Variants in DIAPH1 observed in about 807,000 individuals in gnomAD.
The protein encoded by DIAPH1 is protein diaphanous homolog 1.
In DIAPH1, 46 loss-of-function variants were observed where a neutral mutation model predicts 140.7. That is an observed-to-expected ratio of 0.33 (90% confidence interval 0.26 to 0.42). The LOEUF is 0.42. DIAPH1 is among the 10% of genes least tolerant of loss of function. The probability of loss-of-function intolerance (pLI) is 1.00; values close to 1 mark genes in which losing one functional copy is unlikely to be tolerated. For synonymous variants in DIAPH1, 565 were observed against 551.6 expected (o/e 1.02, Z -0.34); for missense variants, 1,310 against 1,558.7 (o/e 0.84, Z 2.69).
chr5:141,607,419 T>C (rs188998421), intron 1 of DIAPH1, among the ~76,000 whole-genome samples: 2 of 152,326 alleles, frequency 1.3e-5, no homozygotes, highest in Admixed American at 1.3e-4. Context: ...CAAATAAACT[T>C]AACTTTTTAA....
chr5:141,593,217 T>G (rs988127877), intron 1 of DIAPH1, among the ~76,000 whole-genome samples: 1 of 152,112 alleles, frequency 6.6e-6, no homozygotes, highest in Non-Finnish European at 1.5e-5. Flanking sequence ...AAAATAAGAC[T>G]GGTTGGAAGC....
At position 141,576,308 on chromosome 5, in the gene DIAPH1, G is replaced by A. The variant is rs201444168; in HGVS notation, c.1397-14C>T. 180 of 1,604,788 alleles carry A rather than the reference G, an allele frequency of 1.1e-4. No individual in the cohort carries two copies. Among genetic ancestry groups the A allele is most frequent in the Middle Eastern group, 1.7e-4 (1 of 6,054 alleles). On this transcript the variant is annotated splice_polypyrimidine_tract_variant and intron_variant, in intron 13 of 27. Transcript: ENST00000389054. ...CAATCATTTGATCTGAAAAGAAGAA[G>A]AGTCAGTAAGTAAAGCTCCTAATTC... is the stretch of plus-strand genomic sequence containing the variant.
intron 18 of DIAPH1, among the ~76,000 whole-genome samples, chr5:141,539,808 T>C (rs1487856317): frequency 6.6e-6 from 1 of 152,086 alleles, no homozygotes; most frequent in Non-Finnish European, 1.5e-5. Context: ...GATTCAAGTC[T>C]CTCTTTTTCT....
In DIAPH1 at chr5:141,578,510, C is replaced by T. The variant is rs2099896278; in HGVS notation, c.1044+5G>A. The T allele has an allele frequency of 6.2e-7, 1 of 1,611,684 alleles. No homozygotes were observed. Among genetic ancestry groups the T allele is most frequent in the Non-Finnish European group, 8.5e-7 (1 of 1,177,926 alleles). On this transcript the variant is annotated splice_donor_5th_base_variant and intron_variant, in intron 10 of 27. Coordinates refer to ENST00000389054, the MANE Select transcript of DIAPH1 (RefSeq NM_005219.5). ...TAGCCTTTCTAATGAAGTGTAATATCTTACCTGCAACACCTGATGTAGCCC... is the reference window on the plus strand; with the variant it reads ...TAGCCTTTCTAATGAAGTGTAATATTTTACCTGCAACACCTGATGTAGCCC...
chr5:141,591,772 A>G (rs1481401032), intron 1 of DIAPH1, among the ~76,000 whole-genome samples: 2 of 142,364 alleles, frequency 1.4e-5, no homozygotes, highest in African/African-American at 5.4e-5. Context: ...GCATCATCAG[A>G]AACAGATTTT....
chr5:141,586,175 C>T (rs1480076348), intron 3 of DIAPH1, among the ~76,000 whole-genome samples: 3 of 152,144 alleles, frequency 2.0e-5, no homozygotes, highest in Admixed American at 1.3e-4. Context: ...GCCCAAGAGA[C>T]ATTTAAACTT....
Position 141,558,651 on chromosome 5 carries a change from A to C in DIAPH1, c.2482+12777T>G, listed in dbSNP as rs539761987. The stretch of plus-strand genomic sequence containing the variant: ...CTCTGCCCAAGATAAAGCCTGCAGC[A>C]TTTGTACCTATTCTACAGGGAACAC... On this transcript the variant is annotated intron_variant, in intron 18 of 27. Transcript: ENST00000389054. Among the ~76,000 whole-genome samples the C allele has an allele frequency of 2.6e-5, 4 of 152,316 alleles. No individual in the cohort carries two copies. In the South Asian group the frequency reaches 8.3e-4, roughly 32 times the overall value.
At chr5:141,571,799 T>A in intron 17 of DIAPH1, 127 bp downstream of exon 17, 1 of 792,288 alleles carries the variant, frequency 1.3e-6, no homozygotes, top group Non-Finnish European at 2.3e-6. Context: ...AATGGGAAAA[T>A]CCATCAGTCT....
chr5:141,531,177 C>A (rs72790083), intron 19 of DIAPH1, among the ~76,000 whole-genome samples: 1 of 152,192 alleles, frequency 6.6e-6, no homozygotes, highest in Admixed American at 6.5e-5. Flanking sequence ...CCCGAAAAGA[C>A]AATCTGTTCC....
intron 18 of DIAPH1, chr5:141,535,981 C>G (rs1431494687): frequency 4.3e-6 from 2 of 467,564 alleles, no homozygotes; most frequent in Non-Finnish European, 8.9e-6. Flanking sequence ...AAGTTACATA[C>G]AAAAGGTACA....
intron 1 of DIAPH1, among the ~76,000 whole-genome samples, chr5:141,603,554 T>G (rs1167015754): frequency 1.3e-5 from 2 of 152,174 alleles, no homozygotes. Context: ...CAGTGGCCAG[T>G]GTCAAGCACA....
chr5:141,598,705 C>A (rs7704657), intron 1 of DIAPH1, among the ~76,000 whole-genome samples: 20,432 of 151,980 alleles, frequency 0.13, 1,356 homozygotes, highest in South Asian at 0.16. Context: ...ACAACAACAA[C>A]AAAAAAGTCA....
Position 141,528,755 on chromosome 5 carries a change from C to G in DIAPH1, c.2965G>C (p.Ala989Pro), listed in dbSNP as rs2099887763. Residue 989 changes from alanine (A) to proline (P), a missense_variant, in exon 22 of 28, where the codon GCT becomes CCT. Physicochemically the swap from Ala to Pro is conservative, Grantham distance 27 (BLOSUM62 -1). This residue lies in a region of DIAPH1 where 344 missense variants were observed against 512.2 expected (regional missense o/e 0.67). Coordinates refer to ENST00000389054, the MANE Select transcript of DIAPH1 (RefSeq NM_005219.5). The stretch of plus-strand genomic sequence containing the variant: ...AAAGCACCAGCATTTCTGGAGCCAG[C>G]ATTCATGTAATTTCCAACAAGCAAG... ...ITLLVGNYMN[A>P]GSRNAGAFGF... is the part of the protein sequence containing the mutation. 6.2e-7 allele frequency: 1 copy of G among 1,614,096 alleles called. No individual in the cohort carries two copies. The highest frequency in any genetic ancestry group is 8.5e-7 in the Non-Finnish European group (1 of 1,180,046).
At chr5:141,569,850 G>T (rs1466499012) in intron 18 of DIAPH1, among the ~76,000 whole-genome samples, 1 of 152,132 alleles carries the variant, frequency 6.6e-6, no homozygotes, top group Non-Finnish European at 1.5e-5. Flanking sequence ...TTAAAGCACT[G>T]AAGTAAAGTA....
intron 18 of DIAPH1, among the ~76,000 whole-genome samples, chr5:141,555,246 T>C (rs72790102): frequency 0.023 from 3,472 of 152,288 alleles, 55 homozygotes; most frequent in East Asian, 0.047. Flanking sequence ...AATGTAACTA[T>C]GTGTAAATTT....
chr5:141,549,572 A>G (rs985568824), intron 18 of DIAPH1, among the ~76,000 whole-genome samples: 16 of 152,142 alleles, frequency 1.1e-4, no homozygotes, highest in Non-Finnish European at 1.5e-5. Flanking sequence ...ACCCAATAAT[A>G]CTAACATATC....
chr5:141,588,618 G>T (rs1163823311), intron 1 of DIAPH1, among the ~76,000 whole-genome samples: 1 of 151,964 alleles, frequency 6.6e-6, no homozygotes, highest in African/African-American at 2.4e-5. Flanking sequence ...ACACTCCCAA[G>T]ACTGGAAAAA....
chr5:141,574,841 G>T, intron 15 of DIAPH1, 126 bp downstream of exon 15: 1 of 1,003,728 alleles, frequency 1.0e-6, no homozygotes, highest in African/African-American at 1.6e-5. Context: ...TTTAAAATAT[G>T]CACCATGTAA....
intron 26 of DIAPH1, 83 bp from the exon 27 acceptor site, chr5:141,524,312 C>T: frequency 7.6e-7 from 1 of 1,313,484 alleles, no homozygotes; most frequent in South Asian, 1.2e-5. Flanking sequence ...AAATGAATGG[C>T]TATTGCTTGA....
Sources: allele counts gnomAD v4.1 joint callset (sites outside exome capture counted in the v4.1 genomes callset), GRCh38; gene constraint gnomAD v4.1.1; regional missense constraint gnomAD v4.1.1; transcripts MANE v1.5; gene names NCBI Gene and HGNC (gene_info 2026-07-23, HGNC 2026-07-21).